Variants in KCNJ1 observed in about 807,000 individuals in gnomAD.
KCNJ1 encodes the protein potassium inwardly rectifying channel subfamily J member 1, also known as ATP-sensitive inward rectifier potassium channel 1.
Under a neutral mutation model 21.9 loss-of-function variants are expected in KCNJ1, and 24 were observed. The observed-to-expected ratio is 1.10, with a 90% CI of 0.79 to 1.54. The LOEUF (loss-of-function observed/expected upper bound fraction) is 1.54, where lower values mean the gene tolerates loss of function less well. Among genes scored for constraint, KCNJ1 ranks in the 40% most tolerant of loss-of-function variants. The pLI is 0.00. For missense variants in KCNJ1, 457 were observed against 455.4 expected, an observed-to-expected ratio of 1.00 and a Z score of -0.03; for synonymous variants, 152 against 160.9, an observed-to-expected ratio of 0.94 and a Z score of 0.42.
Position 128,839,838 on chromosome 11 carries a change from T to G in KCNJ1, c.406A>C (p.Thr136Pro). 6.2e-7 allele frequency: 1 copy of G among 1,614,140 alleles called. No homozygotes were observed. Among genetic ancestry groups the G allele is most frequent in the Non-Finnish European group, 8.5e-7 (1 of 1,179,980 alleles). ...GFRCVTEQCA[T>P]AIFLLIFQSI... The stretch of plus-strand genomic sequence containing the variant: ...TGAAAGATAAGCAGAAAAATGGCAG[T>G]GGCACACTGTTCTGTCACACACCTG... Residue 136 changes from threonine to proline, a missense_variant, in exon 3 of 3, where the codon ACT (threonine) becomes CCT (proline). Physicochemically the swap from Thr to Pro is conservative, Grantham distance 38. Coordinates refer to ENST00000392666, the MANE Select transcript of KCNJ1 (RefSeq NM_153766.3).
chr11:128,859,993 C>T (rs888445513), intron 1 of KCNJ1, among the ~76,000 whole-genome samples: 11 of 152,242 alleles, frequency 7.2e-5, no homozygotes, highest in Non-Finnish European at 1.0e-4. Context: ...ACACTCGCCT[C>T]CGCCGGGCCT....
chr11:128,846,359 A>G (rs186185965), intron 2 of KCNJ1, among the ~76,000 whole-genome samples: 29 of 152,352 alleles, frequency 1.9e-4, no homozygotes, highest in Non-Finnish European at 3.8e-4. Context: ...ATAAATAGCT[A>G]CAATTATTAT....
intron 1 of KCNJ1, among the ~76,000 whole-genome samples, chr11:128,864,298 C>A (rs1803594032): frequency 3.3e-5 from 5 of 151,944 alleles, no homozygotes; most frequent in South Asian, 4.2e-4. Context: ...GTTGGCCAGG[C>A]TGGTCTTGAA....
chr11:128,858,195 G>A (rs995184299), intron 1 of KCNJ1, among the ~76,000 whole-genome samples: 1 of 151,258 alleles, frequency 6.6e-6, no homozygotes, highest in Admixed American at 6.6e-5. Flanking sequence ...GGAGGGATGA[G>A]AAGGGATGCG....
intron 2 of KCNJ1, chr11:128,842,673 C>T: frequency 1.6e-6 from 1 of 631,544 alleles, no homozygotes; most frequent in Non-Finnish European, 2.6e-6. Flanking sequence ...CATGCTAAGA[C>T]ATGACAAGCC....
chr11:128,858,586 T>C (rs1367952792), intron 1 of KCNJ1, among the ~76,000 whole-genome samples: 1 of 152,244 alleles, frequency 6.6e-6, no homozygotes, highest in African/African-American at 2.4e-5. Context: ...TTCTTGAAAC[T>C]AGTTCAGTTG....
chr11:128,855,668 C>G lies in KCNJ1; in HGVS notation c.-191-4778G>C, dbSNP rs549637677. 2.0e-5 allele frequency among the ~76,000 whole-genome samples: 3 copies of G among 152,300 alleles called. No homozygotes were observed. The South Asian group carries it at 6.2e-4, about 32-fold the overall frequency. On this transcript the variant is annotated intron_variant, in intron 1 of 2. Transcript: ENST00000392666. Reference sequence around the variant, plus strand: ...TGGCTTCTCTAAACCTGAACGTTCTCCTCCATGAACATGGAAATAAGGAAA... The same window carrying G: ...TGGCTTCTCTAAACCTGAACGTTCTGCTCCATGAACATGGAAATAAGGAAA...
At chr11:128,858,727 A>G (rs1257806904) in intron 1 of KCNJ1, among the ~76,000 whole-genome samples, 1 of 152,224 alleles carries the variant, frequency 6.6e-6, no homozygotes, top group Non-Finnish European at 1.5e-5. Context: ...CATAGACAGC[A>G]TTACTATTCC....
At chr11:128,863,904 C>T (rs1175558964) in intron 1 of KCNJ1, among the ~76,000 whole-genome samples, 19 of 152,076 alleles carry the variant, frequency 1.2e-4, no homozygotes, top group South Asian at 2.1e-4. Context: ...CAGATTCTGA[C>T]GAGGCAATGG....
chr11:128,856,992 C>A (rs1943602475), intron 1 of KCNJ1, among the ~76,000 whole-genome samples: 1 of 152,168 alleles, frequency 6.6e-6, no homozygotes, highest in Non-Finnish European at 1.5e-5. Flanking sequence ...TCAGCTTCCC[C>A]CTGTTCTGAT....
At chr11:128,863,286 G>A (rs970345760) in intron 1 of KCNJ1, among the ~76,000 whole-genome samples, 4 of 152,224 alleles carry the variant, frequency 2.6e-5, no homozygotes, top group African/African-American at 4.8e-5. Flanking sequence ...AGCAGAGGGA[G>A]GGGCAGGGAC....
At chr11:128,849,202 C>G (rs1943439759) in intron 2 of KCNJ1, among the ~76,000 whole-genome samples, 1 of 152,236 alleles carries the variant, frequency 6.6e-6, no homozygotes, top group Non-Finnish European at 1.5e-5. Context: ...GGTCACAAAG[C>G]AGAAAGCCCA....
intron 1 of KCNJ1, among the ~76,000 whole-genome samples, chr11:128,864,887 A>G (rs1481599504): frequency 2.6e-5 from 4 of 151,950 alleles, no homozygotes; most frequent in African/African-American, 4.8e-5. Context: ...ACTCTAGTCC[A>G]CCTTGCACTG....
chr11:128,863,146 C>T (rs1246078529), intron 1 of KCNJ1, among the ~76,000 whole-genome samples: 2 of 152,178 alleles, frequency 1.3e-5, no homozygotes, highest in Non-Finnish European at 2.9e-5. Flanking sequence ...ACAGTATTAA[C>T]CTGTTGCTTT....
chr11:128,849,246 A>G (rs1943440355), intron 2 of KCNJ1, among the ~76,000 whole-genome samples: 1 of 152,254 alleles, frequency 6.6e-6, no homozygotes, highest in Admixed American at 6.5e-5. Context: ...AGATCTTCCC[A>G]ACTGACAAGT....
At chr11:128,840,881 CATGT>C (rs1943271313) in intron 2 of KCNJ1, among the ~76,000 whole-genome samples, 1 of 152,192 alleles carries the variant, frequency 6.6e-6, no homozygotes, top group African/African-American at 2.4e-5. Context: ...TGTCCAAATG[CATGT>C]ACCTAGCCAG....
In KCNJ1 at chr11:128,839,216, T is replaced by C; in HGVS notation, c.1028A>G (p.Glu343Gly). 8 of 1,614,132 alleles carry C rather than the reference T, an allele frequency of 5.0e-6. No homozygotes were observed. The highest frequency in any genetic ancestry group is 6.8e-6 in the Non-Finnish European group (8 of 1,179,996). Residue 343 changes from glutamate (E) to glycine (G), a missense_variant, in exon 3 of 3, where the codon GAG becomes GGG. Glu to Gly is a moderately conservative substitution (Grantham distance 98, BLOSUM62 -2). Transcript: ENST00000392666. ...TPHCAMCLYN[E>G]KDVRARMKRG... ...CTTCATCCTGGCTCTAACATCTTTC[T>C]CATTATAAAGGCACATGGCACAGTG...
chr11:128,849,899 C>T (rs906927759), intron 2 of KCNJ1, among the ~76,000 whole-genome samples: 9 of 152,158 alleles, frequency 5.9e-5, no homozygotes, highest in Admixed American at 1.3e-4. Flanking sequence ...CCCTCCTGCC[C>T]GCCCGCCAAC....
chr11:128,843,673 T>G (rs955604388), intron 2 of KCNJ1, among the ~76,000 whole-genome samples: 4 of 152,310 alleles, frequency 2.6e-5, no homozygotes, highest in Non-Finnish European at 5.9e-5. Flanking sequence ...AAAGAATAAC[T>G]TTTTAAAAAG....
Sources: allele counts gnomAD v4.1 joint callset (sites outside exome capture counted in the v4.1 genomes callset), GRCh38; gene constraint gnomAD v4.1.1; transcripts MANE v1.5; gene names NCBI Gene and HGNC (gene_info 2026-07-23, HGNC 2026-07-21).